INSR: variants seen among roughly 807,000 people sequenced by gnomAD.
INSR encodes the protein insulin receptor.
INSR carries 67 observed loss-of-function variants against 142.6 expected under a neutral mutation model. That is an observed-to-expected ratio of 0.47 (90% CI 0.39 to 0.58). The LOEUF is 0.58. INSR is among the 20% of genes least tolerant of loss of function. The probability of loss-of-function intolerance (pLI) is 0.00; values close to 1 mark genes in which losing one functional copy is unlikely to be tolerated. For missense variants in INSR, 1,248 were observed against 1,833.2 expected, an observed-to-expected ratio of 0.68 and a Z score of 5.83; for synonymous variants, 756 against 743.1, an observed-to-expected ratio of 1.02 and a Z score of -0.28.
At position 7,192,887 on chromosome 19, in the gene INSR, A is replaced by G. The variant is rs1295715791; in HGVS notation, c.653-8250T>C. Among the ~76,000 whole-genome samples, 2 of 152,148 alleles carry G rather than the reference A, an allele frequency of 1.3e-5. No individual in the cohort carries two copies. Among genetic ancestry groups the G allele is most frequent in the Non-Finnish European group, 2.9e-5 (2 of 68,024 alleles). ...GTGGCTTTTTCACTATACACTGCTG[A>G]GAAGATCAGGGACTAAAATCTAACT... On this transcript the variant is annotated intron_variant, in intron 2 of 21. Coordinates refer to ENST00000302850, the MANE Select transcript of INSR (RefSeq NM_000208.4). The surrounding 1 kb of genome is among the most constrained non-coding windows in gnomAD (Gnocchi z 4.2).
chr19:7,276,061 A>G (rs1968054900), intron 1 of INSR, among the ~76,000 whole-genome samples: 1 of 152,106 alleles, frequency 6.6e-6, no homozygotes, highest in Non-Finnish European at 1.5e-5. Context: ...GCAGAGAAAG[A>G]ACTTTCTAGA....
At chr19:7,133,541 T>A (rs1459260223) in intron 13 of INSR, among the ~76,000 whole-genome samples, 2 of 152,308 alleles carry the variant, frequency 1.3e-5, no homozygotes, top group East Asian at 3.9e-4. Context: ...TTCACGTCTC[T>A]CCTTGTTTTT....
At chr19:7,212,605 G>C (rs1032319325) in intron 2 of INSR, among the ~76,000 whole-genome samples, 3 of 152,050 alleles carry the variant, frequency 2.0e-5, no homozygotes, top group Non-Finnish European at 4.4e-5. Context: ...GTTTTTTTGA[G>C]ATGGAGTTTC....
rs955940288 is a variant in INSR at position 7,116,967 on chromosome 19, T to C, written c.*89A>G. The C allele has an allele frequency of 3.0e-5, 29 of 971,462 alleles. 1 individual carries two copies. The highest frequency in any genetic ancestry group is 1.7e-4 in the Admixed American group (10 of 59,026). 60.2% of individuals were successfully genotyped at this position (971,462 alleles called of 1,614,324 possible). ...CTGAACTCCATTGGACATGGTAGAG[T>C]CGTGAGAATCCTGAGTTTTCCAGAG... On this transcript the variant is annotated 3_prime_UTR_variant, in exon 22 of 22. Coordinates refer to ENST00000302850, the MANE Select transcript of INSR (RefSeq NM_000208.4).
At chr19:7,145,552 G>A (rs1481543156) in intron 11 of INSR, among the ~76,000 whole-genome samples, 1 of 152,096 alleles carries the variant, frequency 6.6e-6, no homozygotes, top group Admixed American at 6.6e-5. Context: ...TCCCGTAAAG[G>A]GCTAGATAAT....
chr19:7,204,770 G>A (rs1269493003), intron 2 of INSR, among the ~76,000 whole-genome samples: 2 of 152,148 alleles, frequency 1.3e-5, no homozygotes, highest in Non-Finnish European at 2.9e-5. Flanking sequence ...GCTGGCTGCT[G>A]AACATCATCA....
chr19:7,165,832 C>G (rs1274600677), intron 8 of INSR, among the ~76,000 whole-genome samples: 3 of 150,728 alleles, frequency 2.0e-5, no homozygotes, highest in African/African-American at 4.9e-5. Context: ...CATTGCACTC[C>G]AGTCCGGGTG....
intron 2 of INSR, among the ~76,000 whole-genome samples, chr19:7,212,602 TG>T (rs1975308662): frequency 6.6e-6 from 1 of 152,128 alleles, no homozygotes; most frequent in Admixed American, 6.6e-5. Flanking sequence ...TGGGTTTTTT[TG>T]AGATGGAGTT....
At chr19:7,190,446 C>T (rs1974549421) in intron 2 of INSR, among the ~76,000 whole-genome samples, 1 of 148,604 alleles carries the variant, frequency 6.7e-6, no homozygotes, top group Non-Finnish European at 1.5e-5. Context: ...GAACTCAGCT[C>T]ACTGCAACCT....
intron 2 of INSR, among the ~76,000 whole-genome samples, chr19:7,229,196 A>ATGG (rs1568204133): frequency 4.2e-5 from 6 of 144,526 alleles, no homozygotes; most frequent in Admixed American, 2.8e-4. Flanking sequence ...TGAGTGGATG[A>ATGG]ATGGATGGAT....
At position 7,128,834 on chromosome 19, in the gene INSR, T is replaced by C; in HGVS notation, c.2945+18A>G. On this transcript the variant is annotated intron_variant, in intron 15 of 21. Transcript: ENST00000302850. ...GAACCAACTGTTCCCAGCACACCAC[T>C]GAACTCACTGAACTCACCTCTTTCT... The C allele has an allele frequency of 6.5e-7, 1 of 1,542,220 alleles. No individual in the cohort carries two copies. The highest frequency in any genetic ancestry group is 9.0e-7 in the Non-Finnish European group (1 of 1,114,728).
At chr19:7,189,279 C>G (rs1974514590) in intron 2 of INSR, among the ~76,000 whole-genome samples, 1 of 152,236 alleles carries the variant, frequency 6.6e-6, no homozygotes, top group South Asian at 2.1e-4. Flanking sequence ...ACACAAACCT[C>G]TCAAACACAT....
At chr19:7,185,615 G>A (rs1405844260) in intron 2 of INSR, among the ~76,000 whole-genome samples, 1 of 151,946 alleles carries the variant, frequency 6.6e-6, no homozygotes, top group Non-Finnish European at 1.5e-5. Context: ...GGTCGAGGCG[G>A]GTGGATCACC....
rs761570904 is a variant in INSR, at chr19:7,267,915, A to ATT, written c.101-20_101-19insAA. 3 of 1,608,638 alleles carry ATT rather than the reference A, an allele frequency of 1.9e-6. No individual in the cohort carries two copies. The South Asian group carries it at 3.3e-5, about 18-fold the overall frequency. On this transcript the variant is annotated intron_variant, in intron 1 of 21. Coordinates refer to ENST00000302850, the MANE Select transcript of INSR (RefSeq NM_000208.4). This position sits in a 1 kb window ranked among gnomAD's most constrained non-coding sequence, Gnocchi z 6.3. ...GGACACACTACAAGAGAAAATGAAC[A>ATT]GAAAGCAAGACAGGTGAGCAGACGC...
At chr19:7,141,888 G>T in intron 12 of INSR, 72 bp from the exon 13 acceptor site, 1 of 1,276,566 alleles carries the variant, frequency 7.8e-7, no homozygotes, top group South Asian at 1.2e-5. Context: ...CCTGTCCATG[G>T]TGCAACCTTG....
chr19:7,293,155 A>C (rs1335751052), intron 1 of INSR, among the ~76,000 whole-genome samples: 1 of 151,842 alleles, frequency 6.6e-6, no homozygotes, highest in Non-Finnish European at 1.5e-5. Context: ...AGGGTAAAAA[A>C]CCGCCACTAC....
At chr19:7,208,527 C>T (rs11668986) in intron 2 of INSR, among the ~76,000 whole-genome samples, 21 of 152,000 alleles carry the variant, frequency 1.4e-4, no homozygotes, top group African/African-American at 4.8e-4. Flanking sequence ...CCACACAAAC[C>T]GTCATAACCT....
chr19:7,255,599 A>T (rs1450826638), intron 2 of INSR, among the ~76,000 whole-genome samples: 1 of 132,540 alleles, frequency 7.5e-6, no homozygotes. Flanking sequence ...TGTTTTTGAG[A>T]CAGGGTCTCA....
chr19:7,169,433 G>A (rs192083853), intron 6 of INSR, among the ~76,000 whole-genome samples: 82 of 151,660 alleles, frequency 5.4e-4, no homozygotes, highest in African/African-American at 1.8e-3. Context: ...AAAATTAGCC[G>A]GGCTTGGTGG....
Sources: allele counts gnomAD v4.1 joint callset (sites outside exome capture counted in the v4.1 genomes callset), GRCh38; gene constraint gnomAD v4.1.1; non-coding constraint Gnocchi (gnomAD v3.1); transcripts MANE v1.5; gene names NCBI Gene and HGNC (gene_info 2026-07-23, HGNC 2026-07-21).